Variants in OOSP2 observed in about 807,000 individuals in gnomAD.
The protein encoded by OOSP2 is oocyte secreted protein 2, also known as oocyte-secreted protein 2.
A neutral mutation model predicts 13.4 loss-of-function variants in OOSP2; 7 were observed. The ratio of observed to expected loss-of-function variants is 0.52; its 90% CI spans 0.30 to 0.98. OOSP2 has a LOEUF of 0.98. OOSP2 is among the 50% of genes least tolerant of loss of function. The pLI, the probability that OOSP2 is intolerant of heterozygous loss-of-function variation, is 0.07. For missense variants in OOSP2, 184 were observed against 188.5 expected (o/e 0.98, Z 0.14); for synonymous variants, 75 against 67.2 (o/e 1.12, Z -0.57).
At chr11:60,044,824 C>T (rs1854988748) in intron 3 of OOSP2, 50 bp downstream of exon 3, 1 of 836,142 alleles carries the variant, frequency 1.2e-6, no homozygotes, top group Admixed American at 2.0e-5. Context: ...TTTACCTTTG[C>T]TTATGAGAAG....
rs772920125 is a variant in OOSP2, at chr11:60,047,009, T to C, written c.413T>C (p.Ile138Thr). Residue 138 changes from isoleucine to threonine, a missense_variant, in exon 4 of 4, where the codon ATT becomes ACT. Ile to Thr is a moderately conservative substitution (Grantham distance 89, BLOSUM62 -1). Coordinates refer to ENST00000278855, the MANE Select transcript of OOSP2 (RefSeq NM_173801.5). The stretch of plus-strand genomic sequence containing the variant: ...ATAAAATTGGATCCTAGTCCTTTTA[T>C]TGCTGACTTTCAGACAACAGCAGAA... ...NEIKLDPSPFIADFQTTAEEL... is the reference protein window; with the variant it reads ...NEIKLDPSPFTADFQTTAEEL... 1.3e-5 allele frequency: 21 copies of C among 1,609,228 alleles called. No individual in the cohort carries two copies. Among genetic ancestry groups the C allele is most frequent in the Non-Finnish European group, 1.8e-5 (21 of 1,175,694 alleles).
At chr11:60,043,217 T>C (rs1389618265) in intron 1 of OOSP2, among the ~76,000 whole-genome samples, 1 of 152,232 alleles carries the variant, frequency 6.6e-6, no homozygotes, top group African/African-American at 2.4e-5. Flanking sequence ...TTATGCTTTT[T>C]CTTATTCTTG....
chr11:60,046,977 G>C lies in OOSP2; in HGVS notation c.381G>C (p.Glu127Asp). The change falls in exon 4 of 4, where the codon GAG becomes GAC. Residue 127 changes from glutamate (E) to aspartate (D), a missense_variant. Physicochemically the swap from Glu to Asp is conservative, Grantham distance 45 (BLOSUM62 2). Transcript: ENST00000278855. ...TGTGGCTTACACCAGTTTCTACTGA[G>C]AATGAAATAAAATTGGATCCTAGTC... Reference protein sequence around the residue: ...KSVWLTPVSTENEIKLDPSPF... With the variant: ...KSVWLTPVSTDNEIKLDPSPF... The C allele has an allele frequency of 1.2e-6, 2 of 1,609,542 alleles. No homozygotes were observed. The highest frequency in any genetic ancestry group is 1.7e-6 in the Non-Finnish European group (2 of 1,175,930).
chr11:60,046,653 A>G (rs1350341950), intron 3 of OOSP2: 2 of 515,880 alleles, frequency 3.9e-6, no homozygotes, highest in African/African-American at 1.9e-5. Flanking sequence ...TGCTGGGTAC[A>G]TTGGTACTCT....
chr11:60,047,839 G>T lies in OOSP2; in HGVS notation c.*766G>T, dbSNP rs1855026476. The T allele has an allele frequency of 1.3e-5, 2 of 151,972 alleles. No homozygotes were observed. The highest frequency in any genetic ancestry group is 4.2e-4 in the South Asian group (2 of 4,814). The allele number at this position is 151,972 out of a possible 1,614,324, so 9.4% of individuals were successfully genotyped here. A position where few individuals can be genotyped will look rare whatever the true frequency, so the allele number is the denominator to read the frequency against. On this transcript the variant is annotated 3_prime_UTR_variant, in exon 4 of 4. Coordinates refer to ENST00000278855, the MANE Select transcript of OOSP2 (RefSeq NM_173801.5). ...ATACTATCTTCCTTTCTTTAAACAT[G>T]GAGTCTAAATATGTAATATATCAAA...
At chr11:60,043,042 C>T (rs151052263) in intron 1 of OOSP2, among the ~76,000 whole-genome samples, 418 of 152,076 alleles carry the variant, frequency 2.7e-3, no homozygotes, top group South Asian at 0.012. Flanking sequence ...GTAGCTGGGA[C>T]TACAGGCGCT....
Position 60,046,983 on chromosome 11 carries a change from A to G in OOSP2, c.387A>G (p.Glu129=). The change falls in exon 4 of 4, where the codon GAA becomes GAG. Residue 129 remains glutamate (E), a synonymous_variant. Transcript: ENST00000278855. Reference sequence around the variant, plus strand: ...TTACACCAGTTTCTACTGAGAATGAAATAAAATTGGATCCTAGTCCTTTTA... The same window carrying G: ...TTACACCAGTTTCTACTGAGAATGAGATAAAATTGGATCCTAGTCCTTTTA... ...VWLTPVSTEN[E]IKLDPSPFIA... 1 of 1,608,856 alleles carries G rather than the reference A, an allele frequency of 6.2e-7. No individual in the cohort carries two copies. Among genetic ancestry groups the G allele is most frequent in the Non-Finnish European group, 8.5e-7 (1 of 1,175,248 alleles).
chr11:60,041,637 C>G (rs902970368), intron 1 of OOSP2, among the ~76,000 whole-genome samples: 1 of 151,120 alleles, frequency 6.6e-6, no homozygotes. Context: ...CACCAGAGGT[C>G]AGGAGGAGTT....
At chr11:60,045,835 C>G (rs1044482867) in intron 3 of OOSP2, among the ~76,000 whole-genome samples, 6 of 152,114 alleles carry the variant, frequency 3.9e-5, no homozygotes, top group Non-Finnish European at 4.4e-5. Flanking sequence ...TTCCCTTTAA[C>G]TTATTTTCAT....
chr11:60,047,017 T>A lies in OOSP2; in HGVS notation c.421T>A (p.Phe141Ile), dbSNP rs1327591860. 6.2e-7 allele frequency: 1 copy of A among 1,611,082 alleles called. No homozygotes were observed. Among genetic ancestry groups the A allele is most frequent in the Admixed American group, 1.7e-5 (1 of 60,020 alleles). The change falls in exon 4 of 4, where the codon TTT becomes ATT. Residue 141 changes from phenylalanine to isoleucine, a missense_variant. Phe to Ile is a conservative substitution (Grantham distance 21, BLOSUM62 0). Coordinates refer to ENST00000278855, the MANE Select transcript of OOSP2 (RefSeq NM_173801.5). ...GGATCCTAGTCCTTTTATTGCTGAC[T>A]TTCAGACAACAGCAGAAGAGTTAGG... ...KLDPSPFIAD[F>I]QTTAEELGLL...
intron 1 of OOSP2, among the ~76,000 whole-genome samples, chr11:60,041,227 C>A (rs888752497): frequency 6.6e-6 from 1 of 152,056 alleles, no homozygotes; most frequent in Admixed American, 6.6e-5. Context: ...GAAACTGATA[C>A]GTCAATTTCT....
chr11:60,046,947 AT>A lies in OOSP2; in HGVS notation c.352del (p.Ser118GlnfsTer13). 1 of 1,608,966 alleles carries A rather than the reference AT, an allele frequency of 6.2e-7. No individual in the cohort carries two copies. The highest frequency in any genetic ancestry group is 1.1e-5 in the South Asian group (1 of 89,950). The part of the protein sequence containing the change: ...IHLECSTSRK[S>X]VWLTPVSTEN... ...TTTCTGTTTCCCTTTTCTTTAGGAAATCAGTGTGGCTTACACCAGTTTCTAC... is the reference window on the plus strand; with the variant it reads ...TTTCTGTTTCCCTTTTCTTTAGGAAACAGTGTGGCTTACACCAGTTTCTAC... On this transcript the variant is annotated frameshift_variant, in exon 4 of 4. Transcript: ENST00000278855. LOFTEE classifies it low-confidence loss of function (END_TRUNC).
At chr11:60,043,065 CG>C (rs1395498805) in intron 1 of OOSP2, among the ~76,000 whole-genome samples, 1 of 151,908 alleles carries the variant, frequency 6.6e-6, no homozygotes, top group Non-Finnish European at 1.5e-5. Flanking sequence ...CCACCACACC[CG>C]GCTAATTTTT....
Position 60,043,585 on chromosome 11 carries a change from C to A in OOSP2, c.181C>A (p.Arg61=). The A allele has an allele frequency of 6.2e-7, 1 of 1,608,274 alleles. No individual in the cohort carries two copies. The highest frequency in any genetic ancestry group is 8.5e-7 in the Non-Finnish European group (1 of 1,174,734). Residue 61 remains arginine, a synonymous_variant, in exon 2 of 4, where the codon CGG becomes AGG. Coordinates refer to ENST00000278855, the MANE Select transcript of OOSP2 (RefSeq NM_173801.5). ...TCTGGGAATGGGCTGCCCTGCAAAT[C>A]GGATACATACATATGTATATGAGTT... ...LHLGMGCPAN[R]IHTYVYEFIY... is the part of the protein sequence containing the mutation.
rs1333361041 is a variant in OOSP2 at position 60,047,414 on chromosome 11, A to AT, written c.*346dup. On this transcript the variant is annotated 3_prime_UTR_variant, in exon 4 of 4. Coordinates refer to ENST00000278855, the MANE Select transcript of OOSP2 (RefSeq NM_173801.5). ...GAACCTCCAATAAATATGTTCTAAT[A>AT]TTTTTCAGGAAGAATAAAGAATAGA... 6.2e-6 allele frequency: 1 copy of AT among 160,556 alleles called. No individual in the cohort carries two copies. The highest frequency in any genetic ancestry group is 1.8e-4 in the East Asian group (1 of 5,580). 9.9% of individuals were successfully genotyped at this position (160,556 alleles called of 1,614,324 possible). A position where few individuals can be genotyped will look rare whatever the true frequency, so the allele number is the denominator to read the frequency against.
chr11:60,045,366 CTTT>C (rs568222357), intron 3 of OOSP2, among the ~76,000 whole-genome samples: 1 of 142,832 alleles, frequency 7.0e-6, no homozygotes, highest in Non-Finnish European at 1.5e-5. Context: ...TCCTGATACA[CTTT>C]TTTTTTTTTT....
intron 3 of OOSP2, 26 bp from the exon 4 acceptor site, chr11:60,046,918 C>A: frequency 6.2e-7 from 1 of 1,601,336 alleles, no homozygotes. Flanking sequence ...CCAACACTAT[C>A]TGCTTTCTGT....
intron 1 of OOSP2, 82 bp downstream of exon 1, chr11:60,040,605 A>G (rs1854917133): frequency 1.5e-5 from 12 of 805,542 alleles, no homozygotes; most frequent in South Asian, 1.3e-4. Context: ...TTACTCCCTG[A>G]AGAAATCTGA....
rs1855018810 is a variant in OOSP2 at position 60,047,126 on chromosome 11, C to T, written c.*53C>T. ...TGGTGTTATGTATTTTGCAGGAAAA[C>T]AGTTTCATTTTTTCATAGCAAAAAT... On this transcript the variant is annotated 3_prime_UTR_variant, in exon 4 of 4. Transcript: ENST00000278855. 7 of 1,496,274 alleles carry T rather than the reference C, an allele frequency of 4.7e-6. No homozygotes were observed. The South Asian group carries it at 7.5e-5, about 16-fold the overall frequency. The allele number at this position is 1,496,274 out of a possible 1,614,324, so 92.7% of individuals were successfully genotyped here.
Sources: gnomAD v4.1 joint callset for allele counts (sites outside exome capture counted in the v4.1 genomes callset) on GRCh38, gnomAD v4.1.1 for gene constraint, MANE v1.5 for transcripts, NCBI Gene and HGNC (gene_info 2026-07-23, HGNC 2026-07-21) for gene names.